The following VOPP1 variants were observed in gnomAD, a reference collection of about 807,000 sequenced individuals.
The protein encoded by VOPP1 is WW domain binding protein VOPP1.
In VOPP1, 8 loss-of-function variants were observed where a neutral mutation model predicts 23.5. The ratio of observed to expected loss-of-function variants is 0.34; its 90% confidence interval spans 0.20 to 0.61. The LOEUF is 0.61. VOPP1 is among the 20% of genes least tolerant of loss of function. The pLI is 0.78. For missense variants in VOPP1, 174 were observed against 238.1 expected (o/e 0.73, Z 1.77); for synonymous variants, 83 against 97.3 (o/e 0.85, Z 0.86).
intron 1 of VOPP1, among the ~76,000 whole-genome samples, chr7:55,546,572 T>C (rs1797375679): frequency 6.6e-6 from 1 of 152,244 alleles, no homozygotes; most frequent in South Asian, 2.1e-4. Context: ...CAATGTAAGT[T>C]ATTAAATTAG....
chr7:55,532,975 T>G (rs990912972), intron 1 of VOPP1, among the ~76,000 whole-genome samples: 1 of 152,160 alleles, frequency 6.6e-6, no homozygotes. Flanking sequence ...TACAGCAAAT[T>G]TGGGGAGAAA....
At chr7:55,570,073 T>C (rs1798297769) in intron 1 of VOPP1, among the ~76,000 whole-genome samples, 1 of 152,184 alleles carries the variant, frequency 6.6e-6, no homozygotes, top group African/African-American at 2.4e-5. Flanking sequence ...GGGTTGCTTT[T>C]ATGCACTCAA....
At chr7:55,511,274 C>T (rs946054177) in intron 2 of VOPP1, among the ~76,000 whole-genome samples, 2 of 152,190 alleles carry the variant, frequency 1.3e-5, no homozygotes, top group African/African-American at 4.8e-5. Flanking sequence ...CATGATGACC[C>T]TCAGGGAGAG....
intron 1 of VOPP1, chr7:55,538,743 A>C: frequency 3.1e-6 from 4 of 1,291,206 alleles, no homozygotes; most frequent in Non-Finnish European, 4.3e-6. Context: ...CATTCCTATA[A>C]AGGAACGCTT....
intron 4 of VOPP1, among the ~76,000 whole-genome samples, chr7:55,480,734 A>G (rs1019247814): frequency 3.9e-5 from 6 of 152,220 alleles, no homozygotes; most frequent in Admixed American, 2.0e-4. Flanking sequence ...ACCTCTAAAA[A>G]TTGGCTGAAC....
chr7:55,485,360 T>C (rs968686151), intron 4 of VOPP1, among the ~76,000 whole-genome samples: 3 of 152,152 alleles, frequency 2.0e-5, no homozygotes, highest in East Asian at 1.9e-4. Flanking sequence ...CCCAAGTCAT[T>C]AGAAGTCTTC....
At chr7:55,537,902 C>T (rs945019534) in intron 1 of VOPP1, among the ~76,000 whole-genome samples, 34 of 152,208 alleles carry the variant, frequency 2.2e-4, no homozygotes, top group Admixed American at 2.1e-3. Flanking sequence ...TGCCAAGTGG[C>T]CCCACCAGGC....
At chr7:55,465,183 G>A (rs549500840) in intron 4 of VOPP1, among the ~76,000 whole-genome samples, 51 of 152,158 alleles carry the variant, frequency 3.4e-4, no homozygotes, top group Non-Finnish European at 5.7e-4. Context: ...GCCAGGTGTC[G>A]CTAGTCAGCT....
chr7:55,521,709 G>A lies in VOPP1; in HGVS notation c.55-579C>T, dbSNP rs977317869. On this transcript the variant is annotated intron_variant, in intron 1 of 4. Transcript: ENST00000285279. ...AGGTAAGTCCAGCTCCTAACATCCC[G>A]GAGGCAGGGCCCAGCCCCACAGGGC... The A allele has an allele frequency of 1.4e-4, 137 of 986,156 alleles. No homozygotes were observed. In the African/African-American group the frequency reaches 1.9e-3, roughly 14 times the overall value. The allele number at this position is 986,156 out of a possible 1,614,324, so 61.1% of individuals were successfully genotyped here. A position where few individuals can be genotyped will look rare whatever the true frequency, so the allele number is the denominator to read the frequency against.
chr7:55,564,266 TCG>T (rs1491463056), intron 1 of VOPP1, among the ~76,000 whole-genome samples: 22,382 of 150,366 alleles, frequency 0.15, 1,882 homozygotes, highest in Middle Eastern at 0.21. Flanking sequence ...TCTCTCTCTC[TCG>T]CTCGCTTGCT....
At chr7:55,534,146 T>TA (rs1796648234) in intron 1 of VOPP1, among the ~76,000 whole-genome samples, 1 of 150,796 alleles carries the variant, frequency 6.6e-6, no homozygotes, top group African/African-American at 2.4e-5. Context: ...TTTTTTTTTT[T>TA]ACGAGATGGA....
intron 3 of VOPP1, chr7:55,493,320 G>A (rs1169203688): frequency 6.6e-6 from 1 of 152,260 alleles, no homozygotes; most frequent in Non-Finnish European, 1.5e-5. Context: ...CCATGGAACT[G>A]TCCAGAAGCC....
intron 1 of VOPP1, among the ~76,000 whole-genome samples, chr7:55,562,207 C>T (rs1198995108): frequency 6.6e-6 from 1 of 152,170 alleles, no homozygotes; most frequent in Non-Finnish European, 1.5e-5. Context: ...CTAAAGGACT[C>T]GAATTCCAAA....
intron 1 of VOPP1, chr7:55,539,621 T>C (rs2129050269): frequency 7.1e-6 from 1 of 141,738 alleles, no homozygotes; most frequent in African/African-American, 2.5e-5. Context: ...AAACAAAGCA[T>C]GTGAATAATT....
chr7:55,555,976 T>C (rs960441185), intron 1 of VOPP1, among the ~76,000 whole-genome samples: 4 of 152,328 alleles, frequency 2.6e-5, no homozygotes, highest in African/African-American at 9.6e-5. Flanking sequence ...TTCTAAGATG[T>C]TTCCCCGTAG....
chr7:55,537,617 A>G, intron 1 of VOPP1: 11 of 1,534,396 alleles, frequency 7.2e-6, no homozygotes, highest in Non-Finnish European at 9.6e-6. Context: ...CAGCCCTCCA[A>G]TACGGAGCAC....
chr7:55,531,696 T>G (rs563445025), intron 1 of VOPP1, among the ~76,000 whole-genome samples: 1 of 152,048 alleles, frequency 6.6e-6, no homozygotes, highest in African/African-American at 2.4e-5. Context: ...AAGAGTAACA[T>G]TATGAAAAAA....
intron 1 of VOPP1, chr7:55,571,602 A>T (rs6593260): frequency 2.6e-5 from 4 of 152,200 alleles, no homozygotes; most frequent in African/African-American, 9.7e-5. Context: ...CCCGCCAGGG[A>T]TGCGGTCACG....
intron 2 of VOPP1, among the ~76,000 whole-genome samples, chr7:55,509,352 C>G (rs1794928502): frequency 6.6e-6 from 1 of 152,168 alleles, no homozygotes; most frequent in Non-Finnish European, 1.5e-5. Context: ...GATCAAGGCC[C>G]AGCAGATTCA....
Sources: allele counts gnomAD v4.1 joint callset (sites outside exome capture counted in the v4.1 genomes callset), GRCh38; gene constraint gnomAD v4.1.1; transcripts MANE v1.5; gene names NCBI Gene and HGNC (gene_info 2026-07-23, HGNC 2026-07-21).